The following ZSWIM3 variants were observed in gnomAD, a reference collection of about 807,000 sequenced individuals.
The protein encoded by ZSWIM3 is zinc finger SWIM-type containing 3.
In ZSWIM3, 27 loss-of-function variants were observed where a neutral mutation model predicts 47.5. The ratio of observed to expected loss-of-function variants is 0.57; its 90% confidence interval spans 0.42 to 0.78. ZSWIM3 has a LOEUF of 0.78. ZSWIM3 is among the 30% of genes least tolerant of loss of function. The pLI is 0.00. For synonymous variants in ZSWIM3, 333 were observed against 333.9 expected (o/e 1.00, Z 0.03); for missense variants, 689 against 861.3 (o/e 0.80, Z 2.50).
intron 1 of ZSWIM3, among the ~76,000 whole-genome samples, chr20:45,858,664 T>A (rs1051663633): frequency 2.6e-5 from 4 of 152,252 alleles, no homozygotes; most frequent in Admixed American, 6.5e-5. Context: ...TGAGCCACTA[T>A]GCCTGGTCTA....
chr20:45,878,009 A>G lies in ZSWIM3; in HGVS notation c.1451A>G (p.Gln484Arg). 6.2e-7 allele frequency: 1 copy of G among 1,614,156 alleles called. No individual in the cohort carries two copies. Among genetic ancestry groups the G allele is most frequent in the Non-Finnish European group, 8.5e-7 (1 of 1,180,022 alleles). The change falls in exon 2 of 2, where the codon CAG becomes CGG. Residue 484 changes from glutamine (Q) to arginine (R), a missense_variant. By Grantham distance (43) the Gln-to-Arg change is conservative. Coordinates refer to ENST00000255152, the MANE Select transcript of ZSWIM3 (RefSeq NM_080752.4). ...PDAQQVQVQQ[Q>R]SQVPPSQVGM... is the part of the protein sequence containing the mutation. Reference sequence around the variant, plus strand: ...GCACAGCAGGTACAGGTACAGCAGCAGTCACAAGTGCCGCCCTCGCAGGTT... The same window carrying G: ...GCACAGCAGGTACAGGTACAGCAGCGGTCACAAGTGCCGCCCTCGCAGGTT...
chr20:45,857,930 C>G lies in ZSWIM3; in HGVS notation c.105C>G (p.Ser35=). The G allele has an allele frequency of 2.5e-6, 4 of 1,610,792 alleles. No homozygotes were observed. Among genetic ancestry groups the G allele is most frequent in the Non-Finnish European group, 3.4e-6 (4 of 1,178,438 alleles). ...RCSFILRDCV[S]VRFHNLNHGT... is the part of the protein sequence containing the mutation. ...CCTTCATTCTCAGGGACTGCGTCTC[C>G]GTCCGCTTCCACAACCTCAACCATG... The change falls in exon 1 of 2, where the codon TCC becomes TCG. Residue 35 remains serine, a synonymous_variant. Transcript: ENST00000255152.
At chr20:45,872,886 T>C in intron 1 of ZSWIM3, 1 of 1,200,898 alleles carries the variant, frequency 8.3e-7, no homozygotes, top group Non-Finnish European at 1.1e-6. Context: ...ACACATCCTG[T>C]TTTCCCAAGC....
intron 1 of ZSWIM3, among the ~76,000 whole-genome samples, chr20:45,865,475 G>A (rs6130951): frequency 0.52 from 79,174 of 151,814 alleles, 21,096 homozygotes; most frequent in Admixed American, 0.6. Context: ...GTGACAGAGT[G>A]AGACTCCATT....
chr20:45,859,743 T>TGGACCTTGTCCTTTATGGGTA (rs1985654875), intron 1 of ZSWIM3, among the ~76,000 whole-genome samples: 1 of 141,226 alleles, frequency 7.1e-6, no homozygotes, highest in African/African-American at 2.6e-5. Flanking sequence ...GTGAGGTGTT[T>TGGACCTTGTCCTTTATGGGTA]GGACCTTGTC....
intron 1 of ZSWIM3, among the ~76,000 whole-genome samples, chr20:45,873,721 G>A (rs2145791848): frequency 6.6e-6 from 1 of 152,300 alleles, no homozygotes; most frequent in African/African-American, 2.4e-5. Context: ...AGGTTGAACA[G>A]CTTATGAGTA....
Position 45,877,669 on chromosome 20 carries a change from T to C in ZSWIM3, c.1111T>C (p.Phe371Leu). ...DLFNFLQAHWFTCELLWYMHV... is the reference protein window; with the variant it reads ...DLFNFLQAHWLTCELLWYMHV... ...CTTCAACTTCCTGCAGGCCCACTGG[T>C]TCACCTGTGAACTGCTGTGGTACAT... The change falls in exon 2 of 2, where the codon TTC becomes CTC. Residue 371 changes from phenylalanine to leucine, a missense_variant. Physicochemically the swap from Phe to Leu is conservative, Grantham distance 22. Coordinates refer to ENST00000255152, the MANE Select transcript of ZSWIM3 (RefSeq NM_080752.4). 1 of 1,614,142 alleles carries C rather than the reference T, an allele frequency of 6.2e-7. No homozygotes were observed. The highest frequency in any genetic ancestry group is 8.5e-7 in the Non-Finnish European group (1 of 1,179,992).
chr20:45,859,309 A>G (rs1413542866), intron 1 of ZSWIM3, among the ~76,000 whole-genome samples: 2 of 152,012 alleles, frequency 1.3e-5, no homozygotes, highest in Admixed American at 6.6e-5. Context: ...GTCCAGTGCT[A>G]TGCTGGGTAT....
rs1168936948 is a variant in ZSWIM3, at chr20:45,877,862, C to T, written c.1304C>T (p.Pro435Leu). The change falls in exon 2 of 2, where the codon CCC becomes CTC. Residue 435 changes from proline to leucine, a missense_variant. Coordinates refer to ENST00000255152, the MANE Select transcript of ZSWIM3 (RefSeq NM_080752.4). ...FFNTKGLKNL[P>L]TPPPKLKRAR... ...AATACCAAAGGCTTGAAGAACTTGC[C>T]CACACCTCCTCCCAAATTAAAGAGA... 6.2e-7 allele frequency: 1 copy of T among 1,614,152 alleles called. No individual in the cohort carries two copies. The highest frequency in any genetic ancestry group is 1.1e-5 in the South Asian group (1 of 91,082).
At chr20:45,863,184 TG>T (rs1234880927) in intron 1 of ZSWIM3, among the ~76,000 whole-genome samples, 219 of 151,270 alleles carry the variant, frequency 1.4e-3, no homozygotes, top group African/African-American at 5.1e-3. Context: ...TTTTTTTGTT[TG>T]TTTGTTTGTT....
rs1449580849 is a variant in ZSWIM3 at position 45,857,847 on chromosome 20, AAGACCTATGAGGACTTCAAGGAGTGCTTC to A, written c.25_53del (p.Thr9ArgfsTer72). 6.2e-7 allele frequency: 1 copy of A among 1,614,014 alleles called. No individual in the cohort carries two copies. Among genetic ancestry groups the A allele is most frequent in the Non-Finnish European group, 8.5e-7 (1 of 1,179,992 alleles). Reference sequence around the variant, plus strand: ...GGCCATGGAGCTGGGCAGCTGCTTCAAGACCTATGAGGACTTCAAGGAGTGCTTCAGCGCCTACAAAAGGGAGAACAGGT... The same window carrying A: ...GGCCATGGAGCTGGGCAGCTGCTTCAAGCGCCTACAAAAGGGAGAACAGGT... On this transcript the variant is annotated frameshift_variant, in exon 1 of 2. Coordinates refer to ENST00000255152, the MANE Select transcript of ZSWIM3 (RefSeq NM_080752.4). LOFTEE classifies it high-confidence loss of function.
At chr20:45,867,002 A>ATT (rs35863246) in intron 1 of ZSWIM3, among the ~76,000 whole-genome samples, 12 of 137,476 alleles carry the variant, frequency 8.7e-5, no homozygotes, top group Admixed American at 2.3e-4. Flanking sequence ...CAAGTTAGAA[A>ATT]TTTTTTTTTT....
chr20:45,862,063 G>A (rs1041483235), intron 1 of ZSWIM3, among the ~76,000 whole-genome samples: 3 of 151,740 alleles, frequency 2.0e-5, no homozygotes, highest in Admixed American at 6.6e-5. Context: ...TTGTGTTTGA[G>A]TGGTTAACAT....
Position 45,877,311 on chromosome 20 carries a change from T to G in ZSWIM3, c.753T>G (p.Phe251Leu). 1 of 1,614,180 alleles carries G rather than the reference T, an allele frequency of 6.2e-7. No individual in the cohort carries two copies. The highest frequency in any genetic ancestry group is 8.5e-7 in the Non-Finnish European group (1 of 1,180,028). ...AACGAGAAAGTCGAGTGGTGCACTTTGCTGTGCTCAAGGCGGAGACAGTCA... is the reference window on the plus strand; with the variant it reads ...AACGAGAAAGTCGAGTGGTGCACTTGGCTGTGCTCAAGGCGGAGACAGTCA... ...NKERESRVVH[F>L]AVLKAETVTS... Residue 251 changes from phenylalanine (F) to leucine (L), a missense_variant, in exon 2 of 2, where the codon TTT becomes TTG. By Grantham distance (22) the Phe-to-Leu change is conservative. Coordinates refer to ENST00000255152, the MANE Select transcript of ZSWIM3 (RefSeq NM_080752.4).
At chr20:45,866,912 T>C (rs1332239425) in intron 1 of ZSWIM3, among the ~76,000 whole-genome samples, 2 of 151,902 alleles carry the variant, frequency 1.3e-5, no homozygotes, top group East Asian at 3.9e-4. Flanking sequence ...TGGTAGTTAT[T>C]TGAAAGAGAG....
At chr20:45,860,030 A>G (rs1327696827) in intron 1 of ZSWIM3, among the ~76,000 whole-genome samples, 2 of 152,200 alleles carry the variant, frequency 1.3e-5, no homozygotes, top group African/African-American at 4.8e-5. Flanking sequence ...TGGGCCCCCA[A>G]AGATGGAGAG....
intron 1 of ZSWIM3, among the ~76,000 whole-genome samples, chr20:45,866,159 G>A (rs543971973): frequency 6.6e-6 from 1 of 151,746 alleles, no homozygotes; most frequent in Non-Finnish European, 1.5e-5. Flanking sequence ...CAAATTAGTC[G>A]GGTGTGGTGG....
chr20:45,878,581 C>T lies in ZSWIM3; in HGVS notation c.2023C>T (p.Pro675Ser), dbSNP rs752286337. The change falls in exon 2 of 2, where the codon CCT (proline) becomes TCT (serine). Residue 675 changes from proline to serine, a missense_variant. Physicochemically the swap from Pro to Ser is moderately conservative, Grantham distance 74 (BLOSUM62 -1). Transcript: ENST00000255152. ...PGDFKDVGRLPFLWGKQEEGE... is the reference protein window; with the variant it reads ...PGDFKDVGRLSFLWGKQEEGE... ...AGACTTTAAGGACGTGGGCCGCCTC[C>T]CTTTCCTCTGGGGAAAGCAAGAAGA... The T allele has an allele frequency of 6.2e-7, 1 of 1,614,088 alleles. No individual in the cohort carries two copies. The highest frequency in any genetic ancestry group is 1.1e-5 in the South Asian group (1 of 91,088).
At chr20:45,859,218 C>T (rs1356799723) in intron 1 of ZSWIM3, among the ~76,000 whole-genome samples, 2 of 151,998 alleles carry the variant, frequency 1.3e-5, no homozygotes, top group Non-Finnish European at 2.9e-5. Flanking sequence ...AAAGCATATC[C>T]GAGTTTGAGA....
Sources: gnomAD v4.1 joint callset for allele counts (sites outside exome capture counted in the v4.1 genomes callset) on GRCh38, gnomAD v4.1.1 for gene constraint, MANE v1.5 for transcripts, NCBI Gene and HGNC (gene_info 2026-07-23, HGNC 2026-07-21) for gene names.